Variants in AP3B1 observed in about 807,000 individuals in gnomAD.
AP3B1 encodes the protein adaptor related protein complex 3 subunit beta 1.
AP3B1 carries 61 observed loss-of-function variants against 132.5 expected under a neutral mutation model. The observed-to-expected ratio is 0.46, with a 90% confidence interval of 0.37 to 0.57. The LOEUF is 0.57. Among genes scored for constraint, AP3B1 ranks in the 20% least tolerant of loss-of-function variants. The pLI, the probability that AP3B1 is intolerant of heterozygous loss-of-function variation, is 0.00. For synonymous variants in AP3B1, 388 were observed against 438.3 expected (o/e 0.89, Z 1.43); for missense variants, 1,120 against 1,289.4 (o/e 0.87, Z 2.01).
chr5:78,274,829 G>T (rs13163836), intron 1 of AP3B1, among the ~76,000 whole-genome samples: 1 of 151,920 alleles, frequency 6.6e-6, no homozygotes, highest in Non-Finnish European at 1.5e-5. Context: ...AGAAGGCTGA[G>T]GCAAGAGGAT....
At chr5:78,030,381 CTGAT>C (rs1447132144) in intron 24 of AP3B1, among the ~76,000 whole-genome samples, 3 of 152,150 alleles carry the variant, frequency 2.0e-5, no homozygotes, top group Admixed American at 1.3e-4. Context: ...AGGTGGTAAA[CTGAT>C]TGAATCCTTC....
intron 14 of AP3B1, among the ~76,000 whole-genome samples, chr5:78,154,131 C>G (rs1743037500): frequency 6.6e-6 from 1 of 152,152 alleles, no homozygotes; most frequent in African/African-American, 2.4e-5. Context: ...CAAGAAAAGA[C>G]AGGTCTGTTG....
At chr5:78,147,536 G>C (rs908592159) in intron 14 of AP3B1, among the ~76,000 whole-genome samples, 1 of 151,378 alleles carries the variant, frequency 6.6e-6, no homozygotes, top group African/African-American at 2.4e-5. Context: ...TTTTACATTT[G>C]TTTTCTTTCT....
chr5:78,169,733 GTTTA>G lies in AP3B1; in HGVS notation c.1168-4065_1168-4062del, dbSNP rs1554072569. ...ATGAGCCACTGTGCCAAGCCCTGAAGTTTATTTATTTATTTATTTATTTATTTAT... is the reference window on the plus strand; with the variant it reads ...ATGAGCCACTGTGCCAAGCCCTGAAGTTTATTTATTTATTTATTTATTTAT... On this transcript the variant is annotated intron_variant, in intron 11 of 26. Coordinates refer to ENST00000255194, the MANE Select transcript of AP3B1 (RefSeq NM_003664.5). Among the ~76,000 whole-genome samples, 1,279 of 151,256 alleles carry G rather than the reference GTTTA, an allele frequency of 8.5e-3. 16 individuals carry two copies. The highest frequency in any genetic ancestry group is 0.026 in the African/African-American group (1,070 of 41,146).
intron 7 of AP3B1, among the ~76,000 whole-genome samples, chr5:78,189,876 A>G (rs1411061907): frequency 1.2e-5 from 1 of 84,556 alleles, no homozygotes. Context: ...TCTCAAATAA[A>G]ATAAAATAAA....
chr5:78,045,548 C>T (rs769913737), intron 22 of AP3B1, among the ~76,000 whole-genome samples: 5 of 151,876 alleles, frequency 3.3e-5, no homozygotes, highest in Non-Finnish European at 7.4e-5. Context: ...ATAAATACTT[C>T]GACTACTTCC....
intron 20 of AP3B1, among the ~76,000 whole-genome samples, chr5:78,104,916 C>CA: frequency 6.6e-6 from 1 of 152,282 alleles, no homozygotes. Context: ...AAGAGCAACT[C>CA]AAACACTGCT....
Position 78,162,867 on chromosome 5 carries a change from T to G in AP3B1, c.1315A>C (p.Thr439Pro). ...GRCATNILEVTDTCLNGLVCL... is the reference protein window; with the variant it reads ...GRCATNILEVPDTCLNGLVCL... Reference sequence around the variant, plus strand: ...ACCAAGCCATTGAGGCACGTGTCAGTGACTTCCAAGATGTTGGTTGCACAT... The same window carrying G: ...ACCAAGCCATTGAGGCACGTGTCAGGGACTTCCAAGATGTTGGTTGCACAT... Residue 439 changes from threonine to proline, a missense_variant, in exon 13 of 27, where the codon ACT (threonine) becomes CCT (proline). By Grantham distance (38) the Thr-to-Pro change is conservative (BLOSUM62 -1). Transcript: ENST00000255194. The G allele has an allele frequency of 6.2e-7, 1 of 1,614,096 alleles. No homozygotes were observed. Among genetic ancestry groups the G allele is most frequent in the Non-Finnish European group, 8.5e-7 (1 of 1,179,922 alleles).
At chr5:78,180,960 C>A (rs1744341479) in intron 8 of AP3B1, among the ~76,000 whole-genome samples, 1 of 151,652 alleles carries the variant, frequency 6.6e-6, no homozygotes, top group African/African-American at 2.4e-5. Flanking sequence ...CCTTATGACC[C>A]AAATAAAGAT....
Position 78,286,567 on chromosome 5 carries a change from T to C in AP3B1, c.128+7885A>G, listed in dbSNP as rs76899529. Among the ~76,000 whole-genome samples the C allele has an allele frequency of 8.5e-3, 1,292 of 152,328 alleles. 9 individuals are homozygous for C. The highest frequency in any genetic ancestry group is 0.014 in the Non-Finnish European group (921 of 68,020). On this transcript the variant is annotated intron_variant, in intron 1 of 26. Transcript: ENST00000255194. ...GCCTGTGACTCAATCTTGGACTTCC[T>C]GGCCTCCAAAAATGTGAGAAATAAA...
At chr5:78,147,860 C>T (rs1223309864) in intron 14 of AP3B1, among the ~76,000 whole-genome samples, 2 of 152,004 alleles carry the variant, frequency 1.3e-5, no homozygotes, top group Non-Finnish European at 2.9e-5. Flanking sequence ...ATGGGGAAAC[C>T]CCATCTCTAC....
At position 78,294,441 on chromosome 5, in the gene AP3B1, T is replaced by G; in HGVS notation, c.128+11A>C. The G allele has an allele frequency of 6.2e-7, 1 of 1,614,026 alleles. No homozygotes were observed. The highest frequency in any genetic ancestry group is 1.1e-5 in the South Asian group (1 of 91,082). On this transcript the variant is annotated intron_variant, in intron 1 of 26. Transcript: ENST00000255194. The stretch of plus-strand genomic sequence containing the variant: ...CCCTCCCATCCCCGCAACCCAAACC[T>G]TTCTCCTCACTTCTTCAAATCGCTG...
At chr5:78,112,538 A>T (rs1211148274) in intron 19 of AP3B1, among the ~76,000 whole-genome samples, 2 of 152,338 alleles carry the variant, frequency 1.3e-5, no homozygotes, top group Non-Finnish European at 2.9e-5. Context: ...AGGACATTTC[A>T]TGCACTGAAC....
chr5:78,183,908 G>A (rs1442491150), intron 7 of AP3B1, among the ~76,000 whole-genome samples: 10 of 144,038 alleles, frequency 6.9e-5, no homozygotes, highest in Non-Finnish European at 1.2e-4. Flanking sequence ...AGTGGCTCAC[G>A]CCTGTAATCC....
At chr5:78,017,715 A>C (rs1386449339) in intron 25 of AP3B1, among the ~76,000 whole-genome samples, 1 of 152,050 alleles carries the variant, frequency 6.6e-6, no homozygotes, top group Non-Finnish European at 1.5e-5. Context: ...AAAAATAGGC[A>C]AAGGTTTCAT....
intron 20 of AP3B1, among the ~76,000 whole-genome samples, chr5:78,104,583 T>C (rs868259533): frequency 6.6e-6 from 1 of 152,152 alleles, no homozygotes; most frequent in African/African-American, 2.4e-5. Flanking sequence ...AAAATAGTTG[T>C]AAAAACATAA....
At chr5:78,258,862 TA>T (rs1428838001) in intron 2 of AP3B1, among the ~76,000 whole-genome samples, 1 of 152,016 alleles carries the variant, frequency 6.6e-6, no homozygotes, top group African/African-American at 2.4e-5. Flanking sequence ...TATTCAGTCA[TA>T]AAAAACAATG....
intron 21 of AP3B1, among the ~76,000 whole-genome samples, chr5:78,092,336 G>A (rs1174860729): frequency 6.6e-6 from 1 of 152,154 alleles, no homozygotes; most frequent in African/African-American, 2.4e-5. Context: ...GTGTGCTCTG[G>A]TATTAAAGAG....
intron 1 of AP3B1, among the ~76,000 whole-genome samples, chr5:78,273,319 T>G (rs983097374): frequency 6.6e-6 from 1 of 152,086 alleles, no homozygotes; most frequent in African/African-American, 2.4e-5. Flanking sequence ...GGGAGAATCT[T>G]GAGCACAAGA....
Sources: gnomAD v4.1 joint callset for allele counts (sites outside exome capture counted in the v4.1 genomes callset) on GRCh38, gnomAD v4.1.1 for gene constraint, MANE v1.5 for transcripts, NCBI Gene and HGNC (gene_info 2026-07-23, HGNC 2026-07-21) for gene names.